Variants in PIKFYVE observed in about 807,000 individuals in gnomAD.
PIKFYVE encodes phosphoinositide kinase, FYVE-type zinc finger containing, also known as 1-phosphatidylinositol 3-phosphate 5-kinase.
In PIKFYVE, 122 loss-of-function variants were observed where a neutral mutation model predicts 257.9. The observed-to-expected ratio is 0.47, with a 90% CI of 0.41 to 0.55. The LOEUF (loss-of-function observed/expected upper bound fraction) is 0.55, where lower values mean the gene tolerates loss of function less well. PIKFYVE is among the 20% of genes least tolerant of loss of function. The pLI, the probability that PIKFYVE is intolerant of heterozygous loss-of-function variation, is 0.00. For missense variants in PIKFYVE, 2,160 were observed against 2,536.6 expected (o/e 0.85, Z 3.19); for synonymous variants, 892 against 868.9 (o/e 1.03, Z -0.47).
intron 17 of PIKFYVE, among the ~76,000 whole-genome samples, chr2:208,321,053 A>G (rs995895818): frequency 6.6e-6 from 1 of 152,202 alleles, no homozygotes; most frequent in Non-Finnish European, 1.5e-5. Flanking sequence ...CTCATGCCAT[A>G]TGAAGCTCTC....
In PIKFYVE at chr2:208,315,308, G is replaced by C. The variant is rs1237180191; in HGVS notation, c.1942G>C (p.Val648Leu). 2 of 1,614,184 alleles carry C rather than the reference G, an allele frequency of 1.2e-6. No homozygotes were observed. The highest frequency in any genetic ancestry group is 1.7e-5 in the Admixed American group (1 of 60,022). Residue 648 changes from valine (V) to leucine (L), a missense_variant, in exon 15 of 42, where the codon GTC becomes CTC. Transcript: ENST00000264380. ...ATTGGTCTGCCAGGTTGTTCAGACA[G>C]TCCGACCTGATGTCAAGAACCAGGA... ...VSLVCQVVQTVRPDVKNQDDD... is the reference protein window; with the variant it reads ...VSLVCQVVQTLRPDVKNQDDD...
At chr2:208,345,935 G>T (rs1251802863) in intron 33 of PIKFYVE, 115 bp from the exon 34 acceptor site, 4 of 714,564 alleles carry the variant, frequency 5.6e-6, no homozygotes, top group African/African-American at 5.4e-5. Context: ...TGATATTGTA[G>T]GTGGGCTTAG....
Position 208,302,215 on chromosome 2 carries a change from T to A in PIKFYVE, c.1209-27T>A, listed in dbSNP as rs761196908. ...AACTATTCTGACTGACTTTTAAAAC[T>A]TTTCATTTTTGTGGGTCTTGATTCA... On this transcript the variant is annotated intron_variant, in intron 9 of 41. Coordinates refer to ENST00000264380, the MANE Select transcript of PIKFYVE (RefSeq NM_015040.4). 4 of 1,604,344 alleles carry A rather than the reference T, an allele frequency of 2.5e-6. No individual in the cohort carries two copies. In the African/African-American group the frequency reaches 5.4e-5, roughly 21 times the overall value.
rs563828759 is a variant in PIKFYVE, at chr2:208,337,014, A to G, written c.4611+86A>G. 2.5e-4 allele frequency: 265 copies of G among 1,080,006 alleles called. 5 individuals carry two copies. The South Asian group carries it at 3.3e-3, about 13-fold the overall frequency. 66.9% of individuals were successfully genotyped at this position (1,080,006 alleles called of 1,614,324 possible). ...TAATACTTAGCAGGGATAGTTTAATATGTACTTTAGTAATGATATCCAGTA... is the reference window on the plus strand; with the variant it reads ...TAATACTTAGCAGGGATAGTTTAATGTGTACTTTAGTAATGATATCCAGTA... On this transcript the variant is annotated intron_variant, in intron 28 of 41. Transcript: ENST00000264380.
rs1696822794 is a variant in PIKFYVE at position 208,325,516 on chromosome 2, T to TC, written c.2707dup (p.Gln903ProfsTer14). ...GAGGGACGAGGGCATGAGGGGGCTG[T>TC]CCAAGAGCAGTACGGTGGAGGTTCC... On this transcript the variant is annotated frameshift_variant, in exon 20 of 42. Coordinates refer to ENST00000264380, the MANE Select transcript of PIKFYVE (RefSeq NM_015040.4). LOFTEE classifies it high-confidence loss of function. 6.2e-7 allele frequency: 1 copy of TC among 1,614,084 alleles called. No individual in the cohort carries two copies. Among genetic ancestry groups the TC allele is most frequent in the African/African-American group, 1.3e-5 (1 of 74,944 alleles).
rs771996747 is a variant in PIKFYVE at position 208,355,261 on chromosome 2, C to G, written c.6253C>G (p.Leu2085Val). Residue 2085 changes from leucine (L) to valine (V), a missense_variant, in exon 42 of 42, where the codon CTA (leucine) becomes GTA (valine). Leu to Val is a conservative substitution (Grantham distance 32). Transcript: ENST00000264380. ...TTGTGAGGCAATGGACAAGTATTTC[C>G]TAATGGTACCAGACCACTGGACAGG... ...RFCEAMDKYF[L>V]MVPDHWTGLG... The G allele has an allele frequency of 1.2e-6, 2 of 1,613,870 alleles. No homozygotes were observed. The highest frequency in any genetic ancestry group is 1.7e-6 in the Non-Finnish European group (2 of 1,179,908).
chr2:208,270,740 T>C (rs908399438), intron 1 of PIKFYVE, among the ~76,000 whole-genome samples: 1 of 152,068 alleles, frequency 6.6e-6, no homozygotes, highest in Non-Finnish European at 1.5e-5. Context: ...CTTTTTAAAA[T>C]ATAAAAGTTG....
At chr2:208,287,102 A>C (rs371490992) in intron 6 of PIKFYVE, among the ~76,000 whole-genome samples, 1 of 1,896 alleles carries the variant, frequency 5.3e-4, no homozygotes, top group Non-Finnish European at 0.011. Flanking sequence ...TATAAAATTT[A>C]AAAATTTAAA....
chr2:208,282,927 T>TG (rs1183759756), intron 5 of PIKFYVE, among the ~76,000 whole-genome samples: 1 of 152,130 alleles, frequency 6.6e-6, no homozygotes, highest in African/African-American at 2.4e-5. Flanking sequence ...ATCCCTCACA[T>TG]GCGCAGTTCA....
intron 5 of PIKFYVE, among the ~76,000 whole-genome samples, chr2:208,282,702 G>A (rs1196737646): frequency 1.3e-5 from 2 of 152,166 alleles, no homozygotes; most frequent in African/African-American, 4.8e-5. Flanking sequence ...CAGCATCTCA[G>A]CTTGACCAAA....
At position 208,335,918 on chromosome 2, in the gene PIKFYVE, G is replaced by T. The variant is rs1266607237; in HGVS notation, c.4365+17G>T. ...CAGAAAGAGGTAATTTATTTCTTTG[G>T]TAGAAAATTCAAAAGTTAATTATTG... On this transcript the variant is annotated intron_variant, in intron 26 of 41. Coordinates refer to ENST00000264380, the MANE Select transcript of PIKFYVE (RefSeq NM_015040.4). 6.3e-7 allele frequency: 1 copy of T among 1,596,024 alleles called. No homozygotes were observed. Among genetic ancestry groups the T allele is most frequent in the Non-Finnish European group, 8.6e-7 (1 of 1,165,286 alleles).
chr2:208,351,405 G>C lies in PIKFYVE; in HGVS notation c.5665G>C (p.Asp1889His), dbSNP rs1159185518. ...MPRLEVQSFL[D>H]FAPHYFNYIT... is the part of the protein sequence containing the mutation. ...TCGTCTGGAAGTCCAGTCCTTCCTC[G>C]ACTTTGCACCACATTACTTCAATTA... The change falls in exon 38 of 42, where the codon GAC (aspartate) becomes CAC (histidine). Residue 1889 changes from aspartate (D) to histidine (H), a missense_variant. Physicochemically the swap from Asp to His is moderately conservative, Grantham distance 81. Coordinates refer to ENST00000264380, the MANE Select transcript of PIKFYVE (RefSeq NM_015040.4). 6.2e-7 allele frequency: 1 copy of C among 1,613,718 alleles called. No individual in the cohort carries two copies. The highest frequency in any genetic ancestry group is 1.7e-5 in the Admixed American group (1 of 59,988).
chr2:208,278,749 T>A (rs78570121), intron 5 of PIKFYVE, among the ~76,000 whole-genome samples: 1 of 152,206 alleles, frequency 6.6e-6, no homozygotes, highest in Non-Finnish European at 1.5e-5. Flanking sequence ...GTTCTTTTTT[T>A]ATGGCTGCAT....
intron 7 of PIKFYVE, among the ~76,000 whole-genome samples, chr2:208,289,400 T>C (rs4673392): frequency 0.93 from 141,472 of 151,318 alleles, 66,308 homozygotes; most frequent in Non-Finnish European, 0.98. Flanking sequence ...GTCCCTTTGC[T>C]TTCTCATTTT....
At chr2:208,318,410 G>A (rs879433733) in intron 16 of PIKFYVE, among the ~76,000 whole-genome samples, 1 of 152,128 alleles carries the variant, frequency 6.6e-6, no homozygotes, top group South Asian at 2.1e-4. Context: ...ATAACCTGGG[G>A]TATTAAGGAG....
intron 6 of PIKFYVE, among the ~76,000 whole-genome samples, chr2:208,288,071 C>T (rs1434315740): frequency 6.6e-6 from 1 of 151,682 alleles, no homozygotes; most frequent in Non-Finnish European, 1.5e-5. Context: ...TGTGACAGGC[C>T]CTGTCGTAAT....
chr2:208,282,484 C>A (rs1690942124), intron 5 of PIKFYVE, among the ~76,000 whole-genome samples: 1 of 152,212 alleles, frequency 6.6e-6, no homozygotes. Context: ...CTGAAATTCT[C>A]AGGGCAGGCC....
chr2:208,266,642 C>G (rs571606706), intron 1 of PIKFYVE, among the ~76,000 whole-genome samples: 1 of 152,312 alleles, frequency 6.6e-6, no homozygotes, highest in East Asian at 1.9e-4. Flanking sequence ...GGGACGGAAG[C>G]CGGGTGGGGC....
intron 24 of PIKFYVE, among the ~76,000 whole-genome samples, 173 bp downstream of exon 24, chr2:208,333,666 T>C (rs1481533835): frequency 6.6e-6 from 1 of 152,208 alleles, no homozygotes. Context: ...TTTTATTTAC[T>C]CTTTACCCTA....
Sources: gnomAD v4.1 joint callset for allele counts (sites outside exome capture counted in the v4.1 genomes callset) on GRCh38, gnomAD v4.1.1 for gene constraint, MANE v1.5 for transcripts, NCBI Gene and HGNC (gene_info 2026-07-23, HGNC 2026-07-21) for gene names.